Variants in ELP3 observed in about 807,000 individuals in gnomAD.
ELP3 encodes the protein elongator acetyltransferase complex subunit 3.
In ELP3, 56 loss-of-function variants were observed where a neutral mutation model predicts 74.9. That is an observed-to-expected ratio of 0.75 (90% CI 0.60 to 0.93). The LOEUF (loss-of-function observed/expected upper bound fraction) is 0.93. ELP3 is among the 40% of genes least tolerant of loss of function. The pLI is 0.00. For missense variants in ELP3, 573 were observed against 686.5 expected (o/e 0.83, Z 1.85); for synonymous variants, 222 against 239.8 (o/e 0.93, Z 0.68).
At position 28,113,177 on chromosome 8, in the gene ELP3, A is replaced by C. The variant is rs1811989325; in HGVS notation, c.617+4A>C. 1 of 1,611,676 alleles carries C rather than the reference A, an allele frequency of 6.2e-7. No homozygotes were observed. The highest frequency in any genetic ancestry group is 8.5e-7 in the Non-Finnish European group (1 of 1,178,872). ...ACAATATTTACGAGGCAGTCAAGTA[A>C]GAAATTCTTATTTTATCATAGTCTC... On this transcript the variant is annotated splice_donor_region_variant and intron_variant, in intron 7 of 14. Coordinates refer to ENST00000256398, the MANE Select transcript of ELP3 (RefSeq NM_018091.6).
At chr8:28,138,796 C>T (rs1813099530) in intron 10 of ELP3, among the ~76,000 whole-genome samples, 1 of 152,224 alleles carries the variant, frequency 6.6e-6, no homozygotes, top group Admixed American at 6.5e-5. Context: ...CATGATACTT[C>T]TGCTGCATAC....
At chr8:28,129,042 C>G (rs964109833) in intron 7 of ELP3, among the ~76,000 whole-genome samples, 1 of 151,530 alleles carries the variant, frequency 6.6e-6, no homozygotes, top group Non-Finnish European at 1.5e-5. Flanking sequence ...TGCCCTCCCC[C>G]CTTTTTTTTC....
At chr8:28,118,630 G>A (rs949566298) in intron 7 of ELP3, among the ~76,000 whole-genome samples, 1 of 152,190 alleles carries the variant, frequency 6.6e-6, no homozygotes, top group Non-Finnish European at 1.5e-5. Context: ...GAAAAAGACC[G>A]GTAGTGGGAT....
At chr8:28,187,921 C>T (rs536774454) in intron 14 of ELP3, among the ~76,000 whole-genome samples, 1 of 152,298 alleles carries the variant, frequency 6.6e-6, no homozygotes, top group South Asian at 2.1e-4. Flanking sequence ...CATAGGTTTA[C>T]GCTCAGTGTC....
intron 4 of ELP3, among the ~76,000 whole-genome samples, chr8:28,107,213 A>C (rs1811733546): frequency 6.6e-6 from 1 of 152,222 alleles, no homozygotes. Context: ...ACGCCACTGC[A>C]CTCCAGCCTG....
In ELP3 at chr8:28,189,526, G is replaced by A. The variant is rs1317385693; in HGVS notation, c.1568-123G>A. ...TAATGTTCCAAACTTATTAAGCTGAGATTTTATGTGGGAGAGAATTTGGTC... is the reference window on the plus strand; with the variant it reads ...TAATGTTCCAAACTTATTAAGCTGAAATTTTATGTGGGAGAGAATTTGGTC... On this transcript the variant is annotated intron_variant, in intron 14 of 14. Transcript: ENST00000256398. 4 of 801,902 alleles carry A rather than the reference G, an allele frequency of 5.0e-6. No individual in the cohort carries two copies. The Admixed American group carries it at 9.1e-5, about 18-fold the overall frequency. 49.7% of individuals were successfully genotyped at this position (801,902 alleles called of 1,614,324 possible).
At chr8:28,103,168 T>C (rs1319215338) in intron 3 of ELP3, among the ~76,000 whole-genome samples, 1 of 148,294 alleles carries the variant, frequency 6.7e-6, no homozygotes, top group Non-Finnish European at 1.5e-5. Flanking sequence ...AGATTCTGTC[T>C]CAAAAAAACA....
At position 28,160,301 on chromosome 8, in the gene ELP3, C is replaced by A. The variant is rs201867405; in HGVS notation, c.1330C>A (p.Gln444Lys). 19 of 1,613,990 alleles carry A rather than the reference C, an allele frequency of 1.2e-5. No homozygotes were observed. Among genetic ancestry groups the A allele is most frequent in the African/African-American group, 2.7e-5 (2 of 74,906 alleles). Reference sequence around the variant, plus strand: ...ATTCTTGTCATACGAAGACCCAGATCAAGACATTTTGATTGGCCTCCTACG... The same window carrying A: ...ATTCTTGTCATACGAAGACCCAGATAAAGACATTTTGATTGGCCTCCTACG... The part of the protein sequence containing the change: ...ETFLSYEDPD[Q>K]DILIGLLRLR... The change falls in exon 13 of 15, where the codon CAA (glutamine) becomes AAA (lysine). Residue 444 changes from glutamine (Q) to lysine (K), a missense_variant. Gln to Lys is a moderately conservative substitution (Grantham distance 53). Coordinates refer to ENST00000256398, the MANE Select transcript of ELP3 (RefSeq NM_018091.6).
At chr8:28,168,882 T>G (rs527322951) in intron 14 of ELP3, among the ~76,000 whole-genome samples, 3 of 152,376 alleles carry the variant, frequency 2.0e-5, no homozygotes, top group Non-Finnish European at 2.9e-5. Flanking sequence ...GAACAGGTAT[T>G]ACTGAATAAT....
chr8:28,115,624 T>C (rs2130408593), intron 7 of ELP3, among the ~76,000 whole-genome samples: 1 of 152,296 alleles, frequency 6.6e-6, no homozygotes, highest in East Asian at 1.9e-4. Flanking sequence ...ATTATCTCTG[T>C]TTTATGGGTG....
rs60414469 is a variant in ELP3 at position 28,177,225 on chromosome 8, AT to A, written c.1568-12414del. On this transcript the variant is annotated intron_variant, in intron 14 of 14. Coordinates refer to ENST00000256398, the MANE Select transcript of ELP3 (RefSeq NM_018091.6). The stretch of plus-strand genomic sequence containing the variant: ...ATTATACATGGGTAACCTTTGTATG[AT>A]TTTTTTTTTAATAGAATGGGGAAAA... Among the ~76,000 whole-genome samples, 1,081 of 150,256 alleles carry A rather than the reference AT, an allele frequency of 7.2e-3. 12 individuals carry two copies. The highest frequency in any genetic ancestry group is 0.021 in the East Asian group (106 of 5,130).
At chr8:28,120,557 G>C (rs1812327093) in intron 7 of ELP3, among the ~76,000 whole-genome samples, 1 of 152,140 alleles carries the variant, frequency 6.6e-6, no homozygotes, top group Non-Finnish European at 1.5e-5. Flanking sequence ...TGATAAAGTA[G>C]AATTTAGCAG....
chr8:28,189,176 G>C (rs1352484108), intron 14 of ELP3, among the ~76,000 whole-genome samples: 8 of 152,186 alleles, frequency 5.3e-5, no homozygotes, highest in Non-Finnish European at 7.3e-5. Flanking sequence ...TTCGCTACTG[G>C]GGCTGAGTGG....
chr8:28,176,923 A>T (rs1007929995), intron 14 of ELP3, among the ~76,000 whole-genome samples: 4 of 151,850 alleles, frequency 2.6e-5, no homozygotes, highest in African/African-American at 9.7e-5. Flanking sequence ...CATAGGCCAG[A>T]CTCCCTGAAA....
At chr8:28,091,047 C>T (rs1811038083), upstream of ELP3, among the ~76,000 whole-genome samples, 1 of 151,776 alleles carries the variant, frequency 6.6e-6, no homozygotes, top group South Asian at 2.1e-4. Flanking sequence ...GCTGGGACTA[C>T]AGGGGCCCAC....
rs79001872 is a variant in ELP3, at chr8:28,185,395, A to G, written c.1568-4254A>G. Among the ~76,000 whole-genome samples the G allele has an allele frequency of 4.3e-4, 65 of 152,312 alleles. 2 individuals are homozygous for G. The East Asian group carries it at 0.01, about 24-fold the overall frequency. On this transcript the variant is annotated intron_variant, in intron 14 of 14. Transcript: ENST00000256398. ...ACATTTCTTTGTATATACACAACATAAGAATAGCTGAACAGCATATGAGAG... is the reference window on the plus strand; with the variant it reads ...ACATTTCTTTGTATATACACAACATGAGAATAGCTGAACAGCATATGAGAG...
In ELP3 at chr8:28,129,656, A is replaced by G; in HGVS notation, c.772A>G (p.Thr258Ala). The change falls in exon 8 of 15, where the codon ACC (threonine) becomes GCC (alanine). Residue 258 changes from threonine (T) to alanine (A), a missense_variant. Coordinates refer to ENST00000256398, the MANE Select transcript of ELP3 (RefSeq NM_018091.6). ...QSVYEDVARD[T>A]NRGHTVKAVC... ...TGTTTATGAAGATGTGGCTAGAGAC[A>G]CCAACAGGTAAGATGGTGGCAGGTG... 6.2e-7 allele frequency: 1 copy of G among 1,614,074 alleles called. No individual in the cohort carries two copies. Among genetic ancestry groups the G allele is most frequent in the East Asian group, 2.2e-5 (1 of 44,882 alleles).
chr8:28,184,368 C>T (rs991898659), intron 14 of ELP3, among the ~76,000 whole-genome samples: 4 of 152,154 alleles, frequency 2.6e-5, no homozygotes, highest in African/African-American at 9.7e-5. Context: ...CTTCAATATA[C>T]AGCTTTCCTC....
chr8:28,171,090 CTG>C (rs1814505209), intron 14 of ELP3, among the ~76,000 whole-genome samples: 1 of 152,204 alleles, frequency 6.6e-6, no homozygotes, highest in Admixed American at 6.5e-5. Flanking sequence ...ATCCATCAGT[CTG>C]ATAGACATTT....
Sources: allele counts gnomAD v4.1 joint callset (sites outside exome capture counted in the v4.1 genomes callset), GRCh38; gene constraint gnomAD v4.1.1; transcripts MANE v1.5; gene names NCBI Gene and HGNC (gene_info 2026-07-23, HGNC 2026-07-21).